TTC28: variants seen among roughly 807,000 people sequenced by gnomAD.
TTC28 encodes tetratricopeptide repeat domain 28.
A neutral mutation model predicts 198.0 loss-of-function variants in TTC28; 61 were observed. The observed-to-expected ratio is 0.31, with a 90% CI of 0.25 to 0.38. TTC28 has a LOEUF of 0.38. Ranked by LOEUF, TTC28 falls within the 10% of genes least tolerant of loss-of-function variation. The probability of loss-of-function intolerance (pLI) is 1.00; values close to 1 mark genes in which losing one functional copy is unlikely to be tolerated. For missense variants in TTC28, 2,678 were observed against 3,164.0 expected (o/e 0.85, Z 3.69); for synonymous variants, 1,171 against 1,297.8 (o/e 0.90, Z 2.10).
At chr22:28,503,713 C>G (rs73882768) in intron 2 of TTC28, among the ~76,000 whole-genome samples, 1 of 152,082 alleles carries the variant, frequency 6.6e-6, no homozygotes. Flanking sequence ...AGAACTTTAA[C>G]GCATATTACA....
chr22:28,523,549 G>T (rs1308593218), intron 2 of TTC28, among the ~76,000 whole-genome samples: 1 of 152,128 alleles, frequency 6.6e-6, no homozygotes, highest in African/African-American at 2.4e-5. Flanking sequence ...TGGAGACGAG[G>T]AAAAAACCAG....
In TTC28 at chr22:28,471,364, C is replaced by T. The variant is rs555205396; in HGVS notation, c.381+158188G>A. Among the ~76,000 whole-genome samples, 17 of 152,158 alleles carry T rather than the reference C, an allele frequency of 1.1e-4. No homozygotes were observed. In the South Asian group the frequency reaches 3.3e-3, roughly 30 times the overall value. On this transcript the variant is annotated intron_variant, in intron 2 of 22. Transcript: ENST00000397906. ...AGCAAAATCCCAGTATAATAAAAAC[C>T]TAATCCAGGTTGAAATGTTACAGCT...
At chr22:28,144,780 A>G (rs1461221117) in intron 6 of TTC28, among the ~76,000 whole-genome samples, 4 of 152,232 alleles carry the variant, frequency 2.6e-5, no homozygotes, top group South Asian at 2.1e-4. Flanking sequence ...GAGGCTTACA[A>G]CCTTAATGGG....
At chr22:28,340,085 C>A (rs1033669895) in intron 2 of TTC28, among the ~76,000 whole-genome samples, 2 of 152,138 alleles carry the variant, frequency 1.3e-5, no homozygotes, top group African/African-American at 4.8e-5. Context: ...ACACTTCCTG[C>A]AAAACATTTA....
At chr22:28,634,184 G>C (rs2051227404) in intron 1 of TTC28, among the ~76,000 whole-genome samples, 1 of 152,182 alleles carries the variant, frequency 6.6e-6, no homozygotes, top group African/African-American at 2.4e-5. Flanking sequence ...TGTCTACTCA[G>C]CTGGATACTG....
chr22:28,546,669 A>G (rs1418869777), intron 2 of TTC28, among the ~76,000 whole-genome samples: 2 of 152,190 alleles, frequency 1.3e-5, no homozygotes, highest in Non-Finnish European at 2.9e-5. Context: ...TTGCACTCGA[A>G]TGTTCATAGC....
At chr22:28,119,183 C>T (rs945484237) in intron 6 of TTC28, among the ~76,000 whole-genome samples, 1 of 152,214 alleles carries the variant, frequency 6.6e-6, no homozygotes, top group South Asian at 2.1e-4. Context: ...ATGTCATGTG[C>T]TCTTAAGAAA....
At chr22:28,510,644 A>G (rs191372962) in intron 2 of TTC28, among the ~76,000 whole-genome samples, 1 of 152,108 alleles carries the variant, frequency 6.6e-6, no homozygotes, top group Admixed American at 6.6e-5. Context: ...TAGTATTGGA[A>G]GTTCTCGCGA....
At chr22:28,521,500 A>T (rs527977047) in intron 2 of TTC28, among the ~76,000 whole-genome samples, 2 of 152,164 alleles carry the variant, frequency 1.3e-5, no homozygotes, top group East Asian at 1.9e-4. Context: ...GAGAGGAGAA[A>T]ACAAAAGAGC....
intron 1 of TTC28, among the ~76,000 whole-genome samples, chr22:28,651,855 T>C (rs1348726483): frequency 6.6e-6 from 1 of 151,812 alleles, no homozygotes; most frequent in African/African-American, 2.4e-5. Context: ...TTTGTTTGTT[T>C]TGAAATGGAG....
At chr22:28,234,593 G>C (rs978401410) in intron 5 of TTC28, among the ~76,000 whole-genome samples, 3 of 151,592 alleles carry the variant, frequency 2.0e-5, no homozygotes, top group African/African-American at 7.3e-5. Context: ...GGCTGGTCTC[G>C]AACTCCTGAC....
At chr22:28,082,799 A>G (rs1380999065) in intron 12 of TTC28, among the ~76,000 whole-genome samples, 2 of 152,186 alleles carry the variant, frequency 1.3e-5, no homozygotes, top group Non-Finnish European at 2.9e-5. Context: ...TAATTTTTAA[A>G]AAGAATTTGA....
chr22:28,071,946 C>G (rs1940998137), intron 12 of TTC28, among the ~76,000 whole-genome samples: 1 of 152,068 alleles, frequency 6.6e-6, no homozygotes, highest in Non-Finnish European at 1.5e-5. Flanking sequence ...CTTAACGAGT[C>G]TTAATGTGTT....
intron 2 of TTC28, among the ~76,000 whole-genome samples, chr22:28,394,627 C>T (rs1371858189): frequency 6.6e-6 from 1 of 152,158 alleles, no homozygotes; most frequent in Non-Finnish European, 1.5e-5. Context: ...GCAAGGTGAC[C>T]TCTCTGCTTG....
At chr22:28,436,047 A>T (rs1431175459) in intron 2 of TTC28, among the ~76,000 whole-genome samples, 1 of 152,228 alleles carries the variant, frequency 6.6e-6, no homozygotes, top group Non-Finnish European at 1.5e-5. Context: ...GCACAATATT[A>T]CACAACCACC....
intron 14 of TTC28, chr22:28,007,142 G>A (rs1569080153): frequency 6.6e-6 from 1 of 151,926 alleles, no homozygotes; most frequent in Non-Finnish European, 1.5e-5. Context: ...AGGGCTTCAG[G>A]GTATCCAGAT....
Position 28,163,570 on chromosome 22 carries a change from G to A in TTC28, c.963C>T (p.Gly321=). 6.5e-7 allele frequency: 1 copy of A among 1,549,182 alleles called. No individual in the cohort carries two copies. Among genetic ancestry groups the A allele is most frequent in the Non-Finnish European group, 8.7e-7 (1 of 1,145,734 alleles). The part of the protein sequence containing the change: ...EAASSALSSL[G]HVYTAIGDYP... Reference sequence around the variant, plus strand: ...AGTCTCCAATGGCTGTGTACACGTGGCCCAGACTGCTCAAGGCTGATGAAG... The same window carrying A: ...AGTCTCCAATGGCTGTGTACACGTGACCCAGACTGCTCAAGGCTGATGAAG... The change falls in exon 6 of 23, where the codon GGC becomes GGT. Residue 321 remains glycine (G), a synonymous_variant. Coordinates refer to ENST00000397906, the MANE Select transcript of TTC28 (RefSeq NM_001145418.2).
intron 5 of TTC28, among the ~76,000 whole-genome samples, chr22:28,181,565 A>G (rs1395698050): frequency 1.3e-5 from 2 of 152,202 alleles, no homozygotes; most frequent in Non-Finnish European, 2.9e-5. Context: ...TGTAAACTTG[A>G]TGCAATACAA....
chr22:28,299,511 T>TA (rs1200408616), intron 3 of TTC28, among the ~76,000 whole-genome samples: 2 of 152,100 alleles, frequency 1.3e-5, no homozygotes, highest in Non-Finnish European at 2.9e-5. Flanking sequence ...AGAGTGCTGG[T>TA]AAACACTAGC....
Sources: allele counts gnomAD v4.1 joint callset (sites outside exome capture counted in the v4.1 genomes callset), GRCh38; gene constraint gnomAD v4.1.1; transcripts MANE v1.5; gene names NCBI Gene and HGNC (gene_info 2026-07-23, HGNC 2026-07-21).